The following LRRC37A2 variants were observed in gnomAD, a reference collection of about 807,000 sequenced individuals.
LRRC37A2 encodes the protein leucine rich repeat containing 37 member A2, also known as leucine-rich repeat-containing protein 37A2.
Under a neutral mutation model 68.8 loss-of-function variants are expected in LRRC37A2, and 9 were observed. The observed-to-expected ratio is 0.13, with a 90% CI of 0.08 to 0.23. The LOEUF is 0.23. Ranked by LOEUF, LRRC37A2 falls within the 10% of genes least tolerant of loss-of-function variation. The pLI is 1.00. For missense variants in LRRC37A2, 168 were observed against 950.4 expected (o/e 0.18, Z 10.82); for synonymous variants, 63 against 367.6 (o/e 0.17, Z 9.48).
At chr17:46,749,072 A>G in the LRRC37A2 span, among the ~76,000 whole-genome samples, 2 of 152,238 alleles carry the variant, frequency 1.3e-5, no homozygotes, top group Admixed American at 6.5e-5. Context: ...AATCATATTT[A>G]AAGCTGAAAA....
the LRRC37A2 span, among the ~76,000 whole-genome samples, chr17:47,034,165 A>G: frequency 6.6e-6 from 1 of 152,194 alleles, no homozygotes. Context: ...GTGAGACCCC[A>G]ATCTCTACAA....
chr17:46,744,273 G>A, the LRRC37A2 span, among the ~76,000 whole-genome samples: 2 of 152,180 alleles, frequency 1.3e-5, no homozygotes, highest in Admixed American at 1.3e-4. Context: ...ATTGGCTAAT[G>A]TCTATTTCAT....
At chr17:46,807,296 A>G in the LRRC37A2 span, among the ~76,000 whole-genome samples, 7 of 152,216 alleles carry the variant, frequency 4.6e-5, no homozygotes, top group Non-Finnish European at 7.4e-5. Flanking sequence ...CAGCCTGACC[A>G]ACATGGTGAA....
At chr17:47,000,536 C>T in the LRRC37A2 span, among the ~76,000 whole-genome samples, 5 of 152,028 alleles carry the variant, frequency 3.3e-5, no homozygotes, top group Admixed American at 6.6e-5. Context: ...GCCCGGCCCA[C>T]GATTACTTTT....
the LRRC37A2 span, chr17:46,938,508 T>G: frequency 6.3e-7 from 1 of 1,598,362 alleles, no homozygotes; most frequent in East Asian, 2.2e-5. Context: ...AGAGAATGTC[T>G]GTTGGCAAAG....
chr17:46,872,789 A>C, the LRRC37A2 span: 13 of 1,148,322 alleles, frequency 1.1e-5, no homozygotes, highest in Non-Finnish European at 1.5e-5. Flanking sequence ...GAGGAGGGCT[A>C]GGGGACGGGG....
At chr17:46,940,140 G>A in the LRRC37A2 span, 27 of 1,285,888 alleles carry the variant, frequency 2.1e-5, no homozygotes, top group South Asian at 4.9e-4. Flanking sequence ...CCTCCCCGCT[G>A]CTCTGTAGTC....
At chr17:46,899,664 A>T in the LRRC37A2 span, among the ~76,000 whole-genome samples, 1 of 152,178 alleles carries the variant, frequency 6.6e-6, no homozygotes, top group Non-Finnish European at 1.5e-5. Flanking sequence ...GGGAGGAGGT[A>T]ATGAAAAATG....
At chr17:46,865,977 A>G in the LRRC37A2 span, among the ~76,000 whole-genome samples, 2,972 of 152,298 alleles carry the variant, frequency 0.02, 89 homozygotes, top group African/African-American at 0.068. Context: ...TAAATGAATG[A>G]GCGAGTAAGT....
At chr17:47,025,490 T>C in the LRRC37A2 span, among the ~76,000 whole-genome samples, 3 of 152,204 alleles carry the variant, frequency 2.0e-5, no homozygotes, top group African/African-American at 7.2e-5. Context: ...ATTGTTATAT[T>C]AATACAGATG....
chr17:46,938,908 C>T, the LRRC37A2 span: 15 of 1,526,434 alleles, frequency 9.8e-6, no homozygotes, highest in Non-Finnish European at 1.3e-5. Context: ...GGTCTAATTT[C>T]CAACCTGCTC....
At chr17:46,779,550 G>A in the LRRC37A2 span, among the ~76,000 whole-genome samples, 3 of 152,206 alleles carry the variant, frequency 2.0e-5, no homozygotes, top group Non-Finnish European at 4.4e-5. Flanking sequence ...GATGGGCTGC[G>A]GGTGCCCTGC....
At chr17:46,495,201 C>A in the LRRC37A2 span, among the ~76,000 whole-genome samples, 1 of 145,378 alleles carries the variant, frequency 6.9e-6, no homozygotes, top group Non-Finnish European at 1.5e-5. Flanking sequence ...TGAATAATAT[C>A]CTCTTGTGCA....
chr17:46,781,886 G>A, the LRRC37A2 span, among the ~76,000 whole-genome samples: 3 of 152,100 alleles, frequency 2.0e-5, no homozygotes, highest in African/African-American at 4.8e-5. Flanking sequence ...GTCATTTTCC[G>A]GGGTCACACA....
At chr17:46,801,955 G>C in the LRRC37A2 span, among the ~76,000 whole-genome samples, 1 of 152,282 alleles carries the variant, frequency 6.6e-6, no homozygotes, top group African/African-American at 2.4e-5. Flanking sequence ...CATCTACCAT[G>C]TGCCCAGTAT....
At chr17:46,601,885 A>T in the LRRC37A2 span, among the ~76,000 whole-genome samples, 1 of 150,184 alleles carries the variant, frequency 6.7e-6, no homozygotes, top group Non-Finnish European at 1.5e-5. Flanking sequence ...CTTTAAAAAA[A>T]AAAAAAAAGA....
chr17:46,755,201 GAC>G, the LRRC37A2 span: 1 of 745,918 alleles, frequency 1.3e-6, no homozygotes, highest in Admixed American at 2.0e-5. Flanking sequence ...CACATTCAGT[GAC>G]CTAGCAGAGC....
chr17:46,953,045 TTTTTA>T, the LRRC37A2 span, among the ~76,000 whole-genome samples: 1 of 152,042 alleles, frequency 6.6e-6, no homozygotes, highest in Non-Finnish European at 1.5e-5. Context: ...ATTTTTTATT[TTTTTA>T]TTTTATTATT....
At chr17:47,006,602 A>C in the LRRC37A2 span, among the ~76,000 whole-genome samples, 3,351 of 152,198 alleles carry the variant, frequency 0.022, 63 homozygotes, top group Middle Eastern at 0.048. Context: ...ACAGAGCAAG[A>C]CTCTGTCTCA....
Sources: gnomAD v4.1 joint callset for allele counts (sites outside exome capture counted in the v4.1 genomes callset) on GRCh38, gnomAD v4.1.1 for gene constraint, MANE v1.5 for transcripts, NCBI Gene and HGNC (gene_info 2026-07-23, HGNC 2026-07-21) for gene names.